The following ABCA13 variants were observed in gnomAD, a reference collection of about 807,000 sequenced individuals.
ABCA13 encodes ATP-binding cassette sub-family A member 13.
In ABCA13, 476 loss-of-function variants were observed where a neutral mutation model predicts 478.7. The observed-to-expected ratio is 0.99, with a 90% CI of 0.92 to 1.07. The LOEUF (loss-of-function observed/expected upper bound fraction) is 1.07, where lower values mean the gene tolerates loss of function less well. Among genes scored for constraint, ABCA13 ranks in the 50% least tolerant of loss-of-function variants. The pLI is 0.00. For synonymous variants in ABCA13, 2,252 were observed against 2,158.9 expected (o/e 1.04, Z -1.20); for missense variants, 6,060 against 5,910.6 (o/e 1.03, Z -0.83).
intron 3 of ABCA13, among the ~76,000 whole-genome samples, chr7:48,203,802 A>G (rs1784544364): frequency 6.6e-6 from 1 of 152,192 alleles, no homozygotes; most frequent in African/African-American, 2.4e-5. Context: ...CGCCATACCC[A>G]TGCTGGGGCA....
At chr7:48,390,377 A>G (rs1021126329) in intron 37 of ABCA13, among the ~76,000 whole-genome samples, 1 of 152,232 alleles carries the variant, frequency 6.6e-6, no homozygotes, top group East Asian at 1.9e-4. Flanking sequence ...ACTATTTAAA[A>G]CAACAGTCTT....
intron 56 of ABCA13, among the ~76,000 whole-genome samples, chr7:48,586,142 G>A (rs1383730866): frequency 6.6e-6 from 1 of 152,144 alleles, no homozygotes; most frequent in African/African-American, 2.4e-5. Context: ...GAAGAAAGAA[G>A]CTGTGAACCG....
chr7:48,221,120 A>G (rs1327595151), intron 4 of ABCA13, among the ~76,000 whole-genome samples, 161 bp from the exon 5 acceptor site: 1 of 152,212 alleles, frequency 6.6e-6, no homozygotes, highest in Non-Finnish European at 1.5e-5. Flanking sequence ...TTCTTCAGAT[A>G]AATCTTATGA....
In ABCA13 at chr7:48,350,743, T is replaced by C; in HGVS notation, c.10305T>C (p.Arg3435=). 2 of 1,613,954 alleles carry C rather than the reference T, an allele frequency of 1.2e-6. No individual in the cohort carries two copies. Among genetic ancestry groups the C allele is most frequent in the Non-Finnish European group, 1.7e-6 (2 of 1,179,860 alleles). Reference sequence around the variant, plus strand: ...TCTCTTCCTGCGTGGCACTGAACCGTTTCCAGGCTCTGCAGTCTGTCGACA... The same window carrying C: ...TCTCTTCCTGCGTGGCACTGAACCGCTTCCAGGCTCTGCAGTCTGTCGACA... ...VNLSSCVALN[R]FQALQSVDIL... is the part of the protein sequence containing the mutation. The change falls in exon 30 of 62, where the codon CGT becomes CGC. Residue 3435 remains arginine (R), a synonymous_variant. Coordinates refer to ENST00000435803, the MANE Select transcript of ABCA13 (RefSeq NM_152701.5).
intron 55 of ABCA13, among the ~76,000 whole-genome samples, chr7:48,559,345 C>T (rs73339420): frequency 5.1e-4 from 78 of 152,240 alleles, no homozygotes; most frequent in African/African-American, 1.7e-3. Context: ...TCAAGGCCAA[C>T]GCTGATGTCC....
At position 48,297,087 on chromosome 7, in the gene ABCA13, T is replaced by C; in HGVS notation, c.9120-145T>C. 15 of 691,520 alleles carry C rather than the reference T, an allele frequency of 2.2e-5. No individual in the cohort carries two copies. The South Asian group carries it at 2.6e-4, about 12-fold the overall frequency. 42.8% of individuals were successfully genotyped at this position (691,520 alleles called of 1,614,324 possible). A position where few individuals can be genotyped will look rare whatever the true frequency, so the allele number is the denominator to read the frequency against. On this transcript the variant is annotated intron_variant, in intron 21 of 61. Coordinates refer to ENST00000435803, the MANE Select transcript of ABCA13 (RefSeq NM_152701.5). ...CATACAGATGGTATTGGGAGACATG[T>C]GGGTCTAATTGTTGCAGGAACTTTA... is the stretch of plus-strand genomic sequence containing the variant.
intron 5 of ABCA13, 80 bp downstream of exon 5, chr7:48,221,389 A>G (rs1389259572): frequency 4.3e-6 from 3 of 698,804 alleles, no homozygotes; most frequent in Admixed American, 3.9e-5. Context: ...TTAAGTTTAC[A>G]TTTTCAAAGA....
At chr7:48,415,635 A>G (rs1819873479) in intron 41 of ABCA13, among the ~76,000 whole-genome samples, 1 of 152,202 alleles carries the variant, frequency 6.6e-6, no homozygotes, top group Admixed American at 6.5e-5. Flanking sequence ...CTTGTTGTTA[A>G]CAAAAGAGAA....
intron 32 of ABCA13, among the ~76,000 whole-genome samples, chr7:48,368,710 TATATAC>T (rs1215998290): frequency 2.3e-5 from 3 of 132,230 alleles, no homozygotes; most frequent in African/African-American, 5.3e-5. Context: ...TATATATATA[TATATAC>T]ACATACACAC....
intron 42 of ABCA13, among the ~76,000 whole-genome samples, chr7:48,437,519 A>G (rs975949054): frequency 1.3e-5 from 2 of 151,534 alleles, no homozygotes; most frequent in African/African-American, 4.8e-5. Context: ...TGCTTTCCTG[A>G]TTTTCTTTAG....
intron 30 of ABCA13, among the ~76,000 whole-genome samples, chr7:48,351,292 G>T (rs1282125288): frequency 2.6e-5 from 4 of 152,196 alleles, no homozygotes; most frequent in Admixed American, 1.3e-4. Flanking sequence ...AAATATGGTG[G>T]TGCTCTCATA....
chr7:48,350,926 A>C lies in ABCA13; in HGVS notation c.10381+107A>C, dbSNP rs1470682040. On this transcript the variant is annotated intron_variant, in intron 30 of 61. Transcript: ENST00000435803. ...TCTTATGATAGCTCAGAAAGAAAAG[A>C]AGTCCTTTCCAGATAAAACATAAAA... 5 of 1,160,004 alleles carry C rather than the reference A, an allele frequency of 4.3e-6. No homozygotes were observed. The South Asian group carries it at 8.3e-5, about 19-fold the overall frequency. 71.9% of individuals were successfully genotyped at this position (1,160,004 alleles called of 1,614,324 possible).
intron 55 of ABCA13, among the ~76,000 whole-genome samples, chr7:48,573,634 T>A (rs982457696): frequency 2.0e-5 from 3 of 152,094 alleles, no homozygotes; most frequent in Non-Finnish European, 4.4e-5. Flanking sequence ...CTTGGGAGGC[T>A]GAGGTGGGAG....
intron 56 of ABCA13, among the ~76,000 whole-genome samples, chr7:48,582,545 A>G (rs373742754): frequency 3.3e-5 from 5 of 152,038 alleles, no homozygotes; most frequent in African/African-American, 9.7e-5. Flanking sequence ...ATCTATTTTC[A>G]TTGTAACATG....
chr7:48,547,579 G>A (rs1784931246), intron 55 of ABCA13, among the ~76,000 whole-genome samples: 1 of 151,838 alleles, frequency 6.6e-6, no homozygotes, highest in African/African-American at 2.4e-5. Flanking sequence ...GTGCAGAGGT[G>A]TTCTTAATTT....
chr7:48,466,881 C>A, intron 43 of ABCA13, 75 bp from the exon 44 acceptor site: 1 of 1,403,346 alleles, frequency 7.1e-7, no homozygotes, highest in Non-Finnish European at 1.0e-6. Flanking sequence ...GTGAGGTCAG[C>A]AGCTGGTTCT....
At chr7:48,627,915 C>G (rs1418649438) in intron 59 of ABCA13, among the ~76,000 whole-genome samples, 1 of 152,118 alleles carries the variant, frequency 6.6e-6, no homozygotes, top group African/African-American at 2.4e-5. Flanking sequence ...TGAGAACTAA[C>G]CCAGTCTCTA....
At position 48,524,332 on chromosome 7, in the gene ABCA13, G is replaced by C. The variant is rs534065868; in HGVS notation, c.14136G>C (p.Arg4712Ser). 24 of 1,613,182 alleles carry C rather than the reference G, an allele frequency of 1.5e-5. No homozygotes were observed. The East Asian group carries it at 4.2e-4, about 29-fold the overall frequency. Residue 4712 changes from arginine to serine, a missense_variant, in exon 54 of 62, where the codon AGG becomes AGC. Around this residue, in one of 3 missense-constraint regions of ABCA13, gnomAD observed 1,627 missense variants for 1,571.0 expected, o/e 1.04. Transcript: ENST00000435803. The stretch of plus-strand genomic sequence containing the variant: ...AGGAAAAGAGAGTGTTTGAAGGAAG[G>C]ACCAATGGAGACATTCTTGTGTTAT... Reference protein sequence around the residue: ...EKEEKRVFEGRTNGDILVLYN... With the variant: ...EKEEKRVFEGSTNGDILVLYN...
rs925245002 is a variant in ABCA13 at position 48,489,267 on chromosome 7, T to C, written c.13214T>C (p.Leu4405Pro). 5 of 1,612,642 alleles carry C rather than the reference T, an allele frequency of 3.1e-6. No homozygotes were observed. The African/African-American group carries it at 6.7e-5, about 22-fold the overall frequency. ...VWYNQKGFHS[L>P]PSYLNHLNNL... ...TATAATCAGAAGGGTTTTCATTCCC[T>C]ACCTTCCTACTTAAATCATCTAAAC... Residue 4405 changes from leucine (L) to proline (P), a missense_variant, in exon 48 of 62, where the codon CTA (leucine) becomes CCA (proline). Leu to Pro is a moderately conservative substitution (Grantham distance 98). Coordinates refer to ENST00000435803, the MANE Select transcript of ABCA13 (RefSeq NM_152701.5).
Sources: gnomAD v4.1 joint callset for allele counts (sites outside exome capture counted in the v4.1 genomes callset) on GRCh38, gnomAD v4.1.1 for gene constraint, gnomAD v4.1.1 regional missense constraint, MANE v1.5 for transcripts, NCBI Gene and HGNC (gene_info 2026-07-23, HGNC 2026-07-21) for gene names.